MGA: variants seen among roughly 807,000 people sequenced by gnomAD.
The protein encoded by MGA is MAX dimerization protein MGA.
A neutral mutation model predicts 261.1 loss-of-function variants in MGA; 40 were observed. The ratio of observed to expected loss-of-function variants is 0.15; its 90% CI spans 0.12 to 0.20. The LOEUF (loss-of-function observed/expected upper bound fraction) is 0.20, where lower values mean the gene tolerates loss of function less well. Ranked by LOEUF, MGA falls within the 10% of genes least tolerant of loss-of-function variation. The pLI is 1.00. For missense variants in MGA, 3,397 were observed against 3,630.5 expected (o/e 0.94, Z 1.65); for synonymous variants, 1,302 against 1,290.6 (o/e 1.01, Z -0.19).
chr15:41,658,146 G>GT (rs1255043989), upstream of MGA, among the ~76,000 whole-genome samples: 1 of 152,164 alleles, frequency 6.6e-6, no homozygotes, highest in East Asian at 1.9e-4. Context: ...ATTCTCTCTA[G>GT]TTTTTTGTTT....
chr15:41,749,989 A>C lies in MGA; in HGVS notation c.6382A>C (p.Ser2128Arg), dbSNP rs1260727092. 3 of 1,612,312 alleles carry C rather than the reference A, an allele frequency of 1.9e-6. No individual in the cohort carries two copies. The South Asian group carries it at 3.3e-5, about 18-fold the overall frequency. ...ATTTGACAATCCAGAAGAAAACTCA[A>C]GTGAATTTCCAGTCACCTTTAAGGA... Residue 2128 changes from serine to arginine, a missense_variant, in exon 17 of 24, where the codon AGT becomes CGT. Coordinates refer to ENST00000219905, the MANE Select transcript of MGA (RefSeq NM_001164273.2).
intron 1 of MGA, among the ~76,000 whole-genome samples, chr15:41,638,695 T>C (rs904505421): frequency 8.1e-5 from 12 of 147,470 alleles, no homozygotes; most frequent in South Asian, 6.5e-4. Flanking sequence ...TTTCTTTTTT[T>C]TTTTTTTTTT....
chr15:41,736,805 C>T (rs2061802250), intron 13 of MGA, 107 bp downstream of exon 13: 2 of 1,241,866 alleles, frequency 1.6e-6, no homozygotes, highest in African/African-American at 1.5e-5. Context: ...TTGACATTTC[C>T]TGGGAACTGG....
intron 1 of MGA, among the ~76,000 whole-genome samples, chr15:41,631,173 C>T (rs2056580144): frequency 6.6e-6 from 1 of 152,078 alleles, no homozygotes; most frequent in Non-Finnish European, 1.5e-5. Context: ...ATTTCTTAAG[C>T]CCATAATTAT....
rs1462033253 is a variant in MGA, at chr15:41,768,591, A to T, written c.*1311A>T. 2 of 152,588 alleles carry T rather than the reference A, an allele frequency of 1.3e-5. No individual in the cohort carries two copies. Among genetic ancestry groups the T allele is most frequent in the Non-Finnish European group, 2.9e-5 (2 of 68,040 alleles). The allele number at this position is 152,588 out of a possible 1,614,324, so 9.5% of individuals were successfully genotyped here. On this transcript the variant is annotated 3_prime_UTR_variant, in exon 24 of 24. Coordinates refer to ENST00000219905, the MANE Select transcript of MGA (RefSeq NM_001164273.2). Reference sequence around the variant, plus strand: ...GTATAGACTGGGATTTAGCTGCTGCATTTTGCCTTTCTTAAATAATTATAT... The same window carrying T: ...GTATAGACTGGGATTTAGCTGCTGCTTTTTGCCTTTCTTAAATAATTATAT...
chr15:41,750,410 G>A lies in MGA; in HGVS notation c.6803G>A (p.Gly2268Glu), dbSNP rs760323605. The A allele has an allele frequency of 6.2e-7, 1 of 1,613,952 alleles. No homozygotes were observed. The highest frequency in any genetic ancestry group is 1.1e-5 in the South Asian group (1 of 91,078). ...GCTGCAAAAAGCAGCAGAGGGAATG[G>A]ACATTTTCAGGGTCACTTACTGCTA... Residue 2268 changes from glycine to glutamate, a missense_variant, in exon 17 of 24, where the codon GGA becomes GAA. Around this residue, in one of 9 missense-constraint regions of MGA, gnomAD observed 1,410 missense variants for 1,386.4 expected, o/e 1.02. Coordinates refer to ENST00000219905, the MANE Select transcript of MGA (RefSeq NM_001164273.2).
chr15:41,754,533 AC>A lies in MGA; in HGVS notation c.7107del (p.Thr2370GlnfsTer34). 6.3e-7 allele frequency: 1 copy of A among 1,589,718 alleles called. No homozygotes were observed. The highest frequency in any genetic ancestry group is 1.1e-5 in the South Asian group (1 of 87,408). On this transcript the variant is annotated frameshift_variant, in exon 18 of 24. Transcript: ENST00000219905. LOFTEE classifies it high-confidence loss of function. ...GGAAATTAATGTTGCTCACCTGAAG[AC>A]CACAGCGGCCCACACACAGTCATTC...
chr15:41,735,000 T>C (rs1412951203), intron 12 of MGA, among the ~76,000 whole-genome samples: 1 of 152,202 alleles, frequency 6.6e-6, no homozygotes, highest in Non-Finnish European at 1.5e-5. Context: ...GAGGCTACTG[T>C]CAGAATTACT....
chr15:41,694,411 G>T (rs2059444066), intron 2 of MGA, among the ~76,000 whole-genome samples: 1 of 152,066 alleles, frequency 6.6e-6, no homozygotes, highest in East Asian at 1.9e-4. Flanking sequence ...GAAAAAAAAA[G>T]TGACTGATCA....
intron 1 of MGA, among the ~76,000 whole-genome samples, chr15:41,653,409 A>C (rs1167867005): frequency 3.3e-5 from 5 of 151,856 alleles, no homozygotes; most frequent in African/African-American, 1.2e-4. Flanking sequence ...AACAAACAAA[A>C]AAACCCACAC....
intron 3 of MGA, among the ~76,000 whole-genome samples, chr15:41,698,269 A>G (rs1399763328): frequency 1.5e-5 from 2 of 133,356 alleles, no homozygotes; most frequent in East Asian, 4.6e-4. Context: ...CCCGGGTTCA[A>G]GCAGTTCCCC....
At chr15:41,739,776 TA>T (rs2061989919) in intron 13 of MGA, 129 bp from the exon 14 acceptor site, 1 of 844,700 alleles carries the variant, frequency 1.2e-6, no homozygotes. Flanking sequence ...GGAAAAAGTC[TA>T]CTTCTTTTTC....
chr15:41,622,028 C>A (rs2056307037), intron 1 of MGA, among the ~76,000 whole-genome samples: 2 of 86,966 alleles, frequency 2.3e-5, no homozygotes, highest in East Asian at 3.7e-4. Flanking sequence ...GTGCTGCTGG[C>A]GCGGGGTAGG....
chr15:41,752,658 G>A (rs1017141737), intron 17 of MGA, among the ~76,000 whole-genome samples: 4 of 148,560 alleles, frequency 2.7e-5, no homozygotes, highest in Non-Finnish European at 5.9e-5. Context: ...CGGTTCAAGC[G>A]ATTCTTCTGC....
intron 1 of MGA, among the ~76,000 whole-genome samples, chr15:41,652,497 T>C (rs2057088046): frequency 6.6e-6 from 1 of 151,720 alleles, no homozygotes. Context: ...TCTGAGTAGC[T>C]AGGACTATAG....
intron 9 of MGA, among the ~76,000 whole-genome samples, chr15:41,720,007 C>T (rs2060854532): frequency 1.3e-5 from 2 of 152,112 alleles, no homozygotes; most frequent in African/African-American, 4.8e-5. Flanking sequence ...TTCTCACTTT[C>T]ATCTGTAATC....
At chr15:41,706,417 A>C (rs1394424827) in intron 5 of MGA, among the ~76,000 whole-genome samples, 1 of 150,696 alleles carries the variant, frequency 6.6e-6, no homozygotes, top group Admixed American at 6.6e-5. Context: ...CTGGCTTGCC[A>C]TCTTTTGTTC....
Position 41,723,820 on chromosome 15 carries a change from A to G in MGA, c.3431-3360A>G, listed in dbSNP as rs530118213. ...AATCCTTTTATGAACTCCCCTATTT[A>G]TTGGAAGCTCCATTTCTCATTTTTT... On this transcript the variant is annotated intron_variant, in intron 9 of 23. Coordinates refer to ENST00000219905, the MANE Select transcript of MGA (RefSeq NM_001164273.2). 2.0e-5 allele frequency among the ~76,000 whole-genome samples: 3 copies of G among 152,248 alleles called. No homozygotes were observed. In the South Asian group the frequency reaches 6.2e-4, roughly 32 times the overall value.
At chr15:41,759,773 G>T (rs1467151671) in intron 19 of MGA, among the ~76,000 whole-genome samples, 1 of 152,100 alleles carries the variant, frequency 6.6e-6, no homozygotes, top group Admixed American at 6.6e-5. Context: ...TGTTATGGGG[G>T]TTTAGGTAAG....
Sources: gnomAD v4.1 joint callset for allele counts (sites outside exome capture counted in the v4.1 genomes callset) on GRCh38, gnomAD v4.1.1 for gene constraint, gnomAD v4.1.1 regional missense constraint, MANE v1.5 for transcripts, NCBI Gene and HGNC (gene_info 2026-07-23, HGNC 2026-07-21) for gene names.